VWF: variants seen among roughly 807,000 people sequenced by gnomAD.
VWF encodes the protein von Willebrand factor.
VWF carries 176 observed loss-of-function variants against 308.6 expected under a neutral mutation model. The ratio of observed to expected loss-of-function variants is 0.57; its 90% confidence interval spans 0.50 to 0.65. The LOEUF (loss-of-function observed/expected upper bound fraction) is 0.65, where lower values mean the gene tolerates loss of function less well. Ranked by LOEUF, VWF falls within the 30% of genes least tolerant of loss-of-function variation. The pLI is 0.00. For missense variants in VWF, 3,146 were observed against 3,648.2 expected (o/e 0.86, Z 3.55); for synonymous variants, 1,385 against 1,443.4 (o/e 0.96, Z 0.92).
intron 13 of VWF, among the ~76,000 whole-genome samples, chr12:6,061,948 C>T (rs1944659131): frequency 6.6e-6 from 1 of 152,156 alleles, no homozygotes; most frequent in African/African-American, 2.4e-5. Context: ...AAATGTGCAG[C>T]AGTGGTATTA....
intron 47 of VWF, among the ~76,000 whole-genome samples, chr12:5,961,624 T>G (rs1327978713): frequency 7.1e-6 from 1 of 140,188 alleles, no homozygotes; most frequent in Non-Finnish European, 1.5e-5. Flanking sequence ...CTACAACTAA[T>G]AAGTGAATTT....
At chr12:6,008,178 A>T (rs1290081008) in intron 34 of VWF, among the ~76,000 whole-genome samples, 1 of 151,670 alleles carries the variant, frequency 6.6e-6, no homozygotes, top group East Asian at 1.9e-4. Context: ...TACTTTATGA[A>T]GCCAGAATTA....
intron 35 of VWF, among the ~76,000 whole-genome samples, chr12:5,995,079 A>G (rs1437022503): frequency 6.6e-6 from 1 of 152,074 alleles, no homozygotes; most frequent in African/African-American, 2.4e-5. Context: ...TTAGCTCATC[A>G]GCTATCGTTA....
At position 5,984,898 on chromosome 12, in the gene VWF, A is replaced by AT. The variant is rs1162545722; in HGVS notation, c.6976+146_6976+147insA. ...CTATTCTCCAGAGGTAACCCTTTCC[A>AT]CTTTTTTGGAGTATCCAGTCGGTCC... On this transcript the variant is annotated intron_variant, in intron 40 of 51. Transcript: ENST00000261405. 3.7e-4 allele frequency: 298 copies of AT among 795,888 alleles called. 3 individuals carry two copies. In the African/African-American group the frequency reaches 4.7e-3, roughly 12 times the overall value. 49.3% of individuals were successfully genotyped at this position (795,888 alleles called of 1,614,324 possible).
At chr12:5,979,866 C>T (rs1361076271) in intron 42 of VWF, among the ~76,000 whole-genome samples, 2 of 150,656 alleles carry the variant, frequency 1.3e-5, no homozygotes, top group African/African-American at 2.4e-5. Flanking sequence ...ACAGTGAAAC[C>T]GTGTCTCTAC....
chr12:6,044,582 G>A (rs1483488720), intron 17 of VWF, 131 bp from the exon 18 acceptor site: 1 of 1,193,062 alleles, frequency 8.4e-7, no homozygotes. Flanking sequence ...ACGGGGACCA[G>A]CAGCTGCCTG....
Position 5,969,292 on chromosome 12 carries a change from G to A in VWF, c.7648C>T (p.Pro2550Ser). ...GGGCAGACAGGGACCTCCAGCTGGG[G>A]GCAGGAGACGTTCCTTTGTTGTATA... Reference protein sequence around the residue: ...VFIQQRNVSCPQLEVPVCPSG... With the variant: ...VFIQQRNVSCSQLEVPVCPSG... Residue 2550 changes from proline to serine, a missense_variant, in exon 45 of 52, where the codon CCC becomes TCC. Pro to Ser is a moderately conservative substitution (Grantham distance 74). This residue lies in a region of VWF where 989 missense variants were observed against 1,117.4 expected (regional missense o/e 0.89). Coordinates refer to ENST00000261405, the MANE Select transcript of VWF (RefSeq NM_000552.5). The A allele has an allele frequency of 1.2e-6, 2 of 1,614,190 alleles. No individual in the cohort carries two copies. Among genetic ancestry groups the A allele is most frequent in the Non-Finnish European group, 1.7e-6 (2 of 1,180,026 alleles).
At chr12:6,059,360 A>G (rs950763119) in intron 13 of VWF, among the ~76,000 whole-genome samples, 2 of 152,224 alleles carry the variant, frequency 1.3e-5, no homozygotes, top group Non-Finnish European at 2.9e-5. Flanking sequence ...CTTAAGCTAA[A>G]TGAGGCAAGG....
chr12:6,021,865 T>G, intron 27 of VWF, 35 bp downstream of exon 27: 1 of 1,614,024 alleles, frequency 6.2e-7, no homozygotes, highest in Non-Finnish European at 8.5e-7. Flanking sequence ...AGCAATAAGA[T>G]TCATCACTTC....
chr12:6,011,228 T>C (rs1435869857), intron 34 of VWF, among the ~76,000 whole-genome samples: 3 of 152,204 alleles, frequency 2.0e-5, no homozygotes, highest in South Asian at 2.1e-4. Flanking sequence ...ACTGTTGCTA[T>C]AGGTGTGGTT....
At chr12:5,987,245 A>G (rs1565820382) in intron 38 of VWF, among the ~76,000 whole-genome samples, 1 of 152,210 alleles carries the variant, frequency 6.6e-6, no homozygotes, top group African/African-American at 2.4e-5. Flanking sequence ...ATGGTTTTAA[A>G]CCACCATGCT....
rs766456147 is a variant in VWF at position 6,019,234 on chromosome 12, C to T, written c.4184G>A (p.Arg1395Gln). The change falls in exon 28 of 52, where the codon CGG becomes CAG. Residue 1395 changes from arginine (R) to glutamine (Q), a missense_variant. Physicochemically the swap from Arg to Gln is conservative, Grantham distance 43 (BLOSUM62 1). Around this residue, in one of 3 missense-constraint regions of VWF, gnomAD observed 853 missense variants for 1,177.8 expected, o/e 0.72. Coordinates refer to ENST00000261405, the MANE Select transcript of VWF (RefSeq NM_000552.5). This position sits in a 1 kb window ranked among gnomAD's most constrained non-coding sequence, Gnocchi z 5.8. Reference sequence around the variant, plus strand: ...GCCCTGGACGTAGCGGACAAAGTTCCGGGACATCCGTTGGGGCTCCTGGCT... The same window carrying T: ...GCCCTGGACGTAGCGGACAAAGTTCTGGGACATCCGTTGGGGCTCCTGGCT... ...MASQEPQRMS[R>Q]NFVRYVQGLK... The T allele has an allele frequency of 1.4e-5, 23 of 1,613,748 alleles. No individual in the cohort carries two copies. The highest frequency in any genetic ancestry group is 8.9e-5 in the East Asian group (4 of 44,880).
chr12:5,967,597 C>G lies in VWF; in HGVS notation c.7776G>C (p.Gly2592=), dbSNP rs760572511. The change falls in exon 47 of 52, where the codon GGG becomes GGC. Residue 2592 remains glycine, a synonymous_variant. Transcript: ENST00000261405. The stretch of plus-strand genomic sequence containing the variant: ...TGCACACATCGATCATCACAGTCTT[C>G]CCGGGCTGGAAGCAGAGGCACCAGG... ...CMLNGTVIGP[G]KTVMIDVCTT... The G allele has an allele frequency of 6.2e-7, 1 of 1,613,714 alleles. No individual in the cohort carries two copies. Among genetic ancestry groups the G allele is most frequent in the Non-Finnish European group, 8.5e-7 (1 of 1,180,000 alleles).
rs182490720 is a variant in VWF, at chr12:6,071,795, C to G, written c.1110-452G>C. Among the ~76,000 whole-genome samples the G allele has an allele frequency of 1.3e-3, 203 of 152,262 alleles. 1 individual carries two copies. Among genetic ancestry groups the G allele is most frequent in the Middle Eastern group, 0.01 (3 of 294 alleles). Reference sequence around the variant, plus strand: ...TAGCAAAGGGAGGAGGCCTGGGGACCAAACGAGTTGTCCCTGCTGTGCAGG... The same window carrying G: ...TAGCAAAGGGAGGAGGCCTGGGGACGAAACGAGTTGTCCCTGCTGTGCAGG... On this transcript the variant is annotated intron_variant, in intron 9 of 51. Coordinates refer to ENST00000261405, the MANE Select transcript of VWF (RefSeq NM_000552.5).
At chr12:5,952,956 C>T (rs555946696) in intron 48 of VWF, among the ~76,000 whole-genome samples, 47 of 152,260 alleles carry the variant, frequency 3.1e-4, no homozygotes, top group African/African-American at 1.1e-3. Context: ...AGGCCAGGCA[C>T]GGTGGCTCAC....
At chr12:5,972,941 T>A (rs148928875) in intron 43 of VWF, among the ~76,000 whole-genome samples, 66 of 152,304 alleles carry the variant, frequency 4.3e-4, no homozygotes, top group African/African-American at 1.4e-3. Flanking sequence ...CTGCTGTCAT[T>A]CTCGTACGCC....
intron 50 of VWF, among the ~76,000 whole-genome samples, chr12:5,950,598 C>T (rs938354371): frequency 4.6e-5 from 7 of 151,980 alleles, no homozygotes; most frequent in Admixed American, 4.6e-4. Flanking sequence ...ATTAGTCTGC[C>T]TCCTAATTTC....
At chr12:6,108,032 G>A (rs980958929) in intron 5 of VWF, among the ~76,000 whole-genome samples, 7 of 151,774 alleles carry the variant, frequency 4.6e-5, no homozygotes, top group Non-Finnish European at 7.4e-5. Context: ...GGTGACTCAC[G>A]CCTGTAATCC....
At chr12:6,008,748 C>T (rs1020151845) in intron 34 of VWF, among the ~76,000 whole-genome samples, 1 of 152,182 alleles carries the variant, frequency 6.6e-6, no homozygotes, top group Non-Finnish European at 1.5e-5. Flanking sequence ...ATGACATGAT[C>T]ATATGCATAG....
Sources: gnomAD v4.1 joint callset for allele counts (sites outside exome capture counted in the v4.1 genomes callset) on GRCh38, gnomAD v4.1.1 for gene constraint, gnomAD v4.1.1 regional missense constraint, Gnocchi (gnomAD v3.1) non-coding constraint, MANE v1.5 for transcripts, NCBI Gene and HGNC (gene_info 2026-07-23, HGNC 2026-07-21) for gene names.